Variants in SPOCK1 observed in about 807,000 individuals in gnomAD.
SPOCK1 encodes testican-1.
Under a neutral mutation model 55.3 loss-of-function variants are expected in SPOCK1, and 23 were observed. That is an observed-to-expected ratio of 0.42 (90% CI 0.30 to 0.59). SPOCK1 has a LOEUF of 0.59. Among genes scored for constraint, SPOCK1 ranks in the 20% least tolerant of loss-of-function variants. The pLI is 0.22. For synonymous variants in SPOCK1, 226 were observed against 221.0 expected (o/e 1.02, Z -0.20); for missense variants, 499 against 552.5 (o/e 0.90, Z 0.97).
chr5:136,989,998 C>G (rs60530346), intron 7 of SPOCK1, among the ~76,000 whole-genome samples: 4,297 of 152,136 alleles, frequency 0.028, 149 homozygotes, highest in African/African-American at 0.08. Flanking sequence ...GCAAGCTCTG[C>G]CTCCCGGGTT....
chr5:137,058,260 G>T (rs773422440), intron 6 of SPOCK1, among the ~76,000 whole-genome samples: 1 of 152,168 alleles, frequency 6.6e-6, no homozygotes, highest in Non-Finnish European at 1.5e-5. Flanking sequence ...TCCAGAAAAG[G>T]TTTCAGATCC....
intron 2 of SPOCK1, among the ~76,000 whole-genome samples, chr5:137,318,818 T>C (rs1486774325): frequency 6.6e-6 from 1 of 152,202 alleles, no homozygotes; most frequent in Non-Finnish European, 1.5e-5. Flanking sequence ...TTGGTCAAGA[T>C]AAAATTTTTC....
rs964648499 is a variant in SPOCK1 at position 137,286,974 on chromosome 5, G to T, written c.187-19919C>A. Reference sequence around the variant, plus strand: ...ACAAGAGCTTATTAAAAGGCAACAGGAGGTGCTGGAGAATTTCCCTAATAT... The same window carrying T: ...ACAAGAGCTTATTAAAAGGCAACAGTAGGTGCTGGAGAATTTCCCTAATAT... On this transcript the variant is annotated intron_variant, in intron 2 of 10. Transcript: ENST00000394945. 2.6e-5 allele frequency among the ~76,000 whole-genome samples: 4 copies of T among 152,282 alleles called. No homozygotes were observed. The East Asian group carries it at 7.7e-4, about 29-fold the overall frequency.
chr5:137,038,909 C>T (rs1268857678), intron 6 of SPOCK1, among the ~76,000 whole-genome samples: 1 of 152,062 alleles, frequency 6.6e-6, no homozygotes, highest in Non-Finnish European at 1.5e-5. Flanking sequence ...TACTATATGT[C>T]CGGCATATAG....
At chr5:137,221,038 T>C (rs944501815) in intron 3 of SPOCK1, among the ~76,000 whole-genome samples, 4 of 152,190 alleles carry the variant, frequency 2.6e-5, no homozygotes, top group Non-Finnish European at 5.9e-5. Flanking sequence ...TATATCTGCT[T>C]AAATAGGTGT....
chr5:137,341,683 A>C (rs1677270752), intron 2 of SPOCK1, among the ~76,000 whole-genome samples: 1 of 152,172 alleles, frequency 6.6e-6, no homozygotes, highest in Admixed American at 6.5e-5. Flanking sequence ...TATACCCCTG[A>C]ATAGGACAGA....
chr5:137,254,946 A>G (rs1262292734), intron 3 of SPOCK1, among the ~76,000 whole-genome samples: 1 of 152,216 alleles, frequency 6.6e-6, no homozygotes, highest in South Asian at 2.1e-4. Context: ...TCTGTTCCCA[A>G]TGCTAATCAG....
intron 2 of SPOCK1, among the ~76,000 whole-genome samples, chr5:137,463,971 G>C (rs932471106): frequency 2.6e-4 from 40 of 151,666 alleles, no homozygotes; most frequent in Middle Eastern, 3.5e-3. Context: ...ATAACTAAAA[G>C]AATGTAACTG....
intron 2 of SPOCK1, among the ~76,000 whole-genome samples, chr5:137,372,572 A>G (rs1405830622): frequency 6.6e-6 from 1 of 152,268 alleles, no homozygotes; most frequent in African/African-American, 2.4e-5. Context: ...TCAGAGGGTA[A>G]TTCCAAAACT....
At chr5:137,142,130 C>T (rs2127052541) in intron 3 of SPOCK1, among the ~76,000 whole-genome samples, 1 of 152,310 alleles carries the variant, frequency 6.6e-6, no homozygotes, top group African/African-American at 2.4e-5. Context: ...TCCCCATGTC[C>T]TCCCCATGCA....
At chr5:137,130,041 T>G (rs986284526) in intron 4 of SPOCK1, among the ~76,000 whole-genome samples, 1 of 152,188 alleles carries the variant, frequency 6.6e-6, no homozygotes, top group East Asian at 1.9e-4. Context: ...CTTCCCGTAG[T>G]TGGTTTGACC....
At chr5:137,220,078 G>T (rs890455907) in intron 3 of SPOCK1, among the ~76,000 whole-genome samples, 2 of 152,162 alleles carry the variant, frequency 1.3e-5, no homozygotes, top group Non-Finnish European at 2.9e-5. Flanking sequence ...GTGGGGGTCA[G>T]TTGCATCTCC....
intron 2 of SPOCK1, among the ~76,000 whole-genome samples, chr5:137,414,058 A>G (rs1412741580): frequency 6.6e-6 from 1 of 152,254 alleles, no homozygotes; most frequent in East Asian, 1.9e-4. Flanking sequence ...TGATTGGTAA[A>G]TGATTCCAAA....
chr5:137,084,854 A>G (rs1046923854), intron 5 of SPOCK1, among the ~76,000 whole-genome samples: 2 of 151,472 alleles, frequency 1.3e-5, no homozygotes, highest in Non-Finnish European at 2.9e-5. Flanking sequence ...CACCACTCCA[A>G]ATGCTTTTCC....
Position 137,034,117 on chromosome 5 carries a change from C to T in SPOCK1, c.589+33598G>A, listed in dbSNP as rs1002302027. On this transcript the variant is annotated intron_variant, in intron 6 of 10. Coordinates refer to ENST00000394945, the MANE Select transcript of SPOCK1 (RefSeq NM_004598.4). Reference sequence around the variant, plus strand: ...ATAACCAGCAGGTGAATGACTTGGACTCCAATAGCCATGTGCTGCATTCTC... The same window carrying T: ...ATAACCAGCAGGTGAATGACTTGGATTCCAATAGCCATGTGCTGCATTCTC... Among the ~76,000 whole-genome samples the T allele has an allele frequency of 2.0e-5, 3 of 152,212 alleles. No homozygotes were observed. The East Asian group carries it at 5.8e-4, about 29-fold the overall frequency.
At chr5:136,984,384 G>GAATAATTCTGTATTAAATA (rs56122522) in intron 9 of SPOCK1, among the ~76,000 whole-genome samples, 1 of 151,726 alleles carries the variant, frequency 6.6e-6, no homozygotes, top group African/African-American at 2.4e-5. Flanking sequence ...TGCTTCACGG[G>GAATAATTCTGTATTAAATA]AATAATTCTG....
chr5:137,339,907 T>C (rs966849946), intron 2 of SPOCK1, among the ~76,000 whole-genome samples: 2 of 152,138 alleles, frequency 1.3e-5, no homozygotes, highest in Non-Finnish European at 2.9e-5. Flanking sequence ...CCTCTAAGCC[T>C]GAGAGCCTGA....
intron 3 of SPOCK1, among the ~76,000 whole-genome samples, chr5:137,189,267 A>G (rs1336249717): frequency 6.6e-6 from 1 of 152,238 alleles, no homozygotes; most frequent in African/African-American, 2.4e-5. Flanking sequence ...AGAAGAAGCC[A>G]TGTTGGACTT....
intron 5 of SPOCK1, 40 bp from the exon 6 acceptor site, chr5:137,067,869 A>T: frequency 6.5e-7 from 1 of 1,542,760 alleles, no homozygotes; most frequent in Non-Finnish European, 9.0e-7. Flanking sequence ...GAATGCAGCC[A>T]TAACAGACCC....
Sources: allele counts gnomAD v4.1 joint callset (sites outside exome capture counted in the v4.1 genomes callset), GRCh38; gene constraint gnomAD v4.1.1; transcripts MANE v1.5; gene names NCBI Gene and HGNC (gene_info 2026-07-23, HGNC 2026-07-21).